ENPP3: variants seen among roughly 807,000 people sequenced by gnomAD.
The protein encoded by ENPP3 is ectonucleotide pyrophosphatase/phosphodiesterase family member 3.
ENPP3 carries 104 observed loss-of-function variants against 117.8 expected under a neutral mutation model. The ratio of observed to expected loss-of-function variants is 0.88; its 90% CI spans 0.75 to 1.04. ENPP3 has a LOEUF of 1.04. Ranked by LOEUF, ENPP3 falls within the 50% of genes least tolerant of loss-of-function variation. The pLI is 0.00. For missense variants in ENPP3, 1,026 were observed against 1,051.9 expected (o/e 0.98, Z 0.34); for synonymous variants, 380 against 349.9 (o/e 1.09, Z -0.96).
intron 21 of ENPP3, among the ~76,000 whole-genome samples, chr6:131,734,899 C>CA (rs59698316): frequency 0.045 from 3,753 of 82,506 alleles, 143 homozygotes; most frequent in African/African-American, 0.13. Flanking sequence ...GACTCTGTCT[C>CA]AAAAAAAAAA....
chr6:131,719,839 AG>A, intron 16 of ENPP3, among the ~76,000 whole-genome samples: 1 of 152,200 alleles, frequency 6.6e-6, no homozygotes, highest in East Asian at 1.9e-4. Context: ...TAAGTGGAAC[AG>A]GAAGTTAGAC....
chr6:131,680,049 G>A (rs1778991301), intron 11 of ENPP3, among the ~76,000 whole-genome samples: 1 of 152,164 alleles, frequency 6.6e-6, no homozygotes, highest in Non-Finnish European at 1.5e-5. Context: ...TTGTAATAAA[G>A]GAGGTGACAG....
chr6:131,669,245 T>G (rs1585641528), intron 6 of ENPP3, among the ~76,000 whole-genome samples: 1 of 152,182 alleles, frequency 6.6e-6, no homozygotes, highest in East Asian at 1.9e-4. Flanking sequence ...TTAATTGAGA[T>G]CAAGATTTAC....
intron 12 of ENPP3, among the ~76,000 whole-genome samples, 154 bp downstream of exon 12, chr6:131,683,316 A>C (rs1005086500): frequency 1.3e-5 from 2 of 152,214 alleles, no homozygotes; most frequent in African/African-American, 4.8e-5. Flanking sequence ...ATGTGATGAA[A>C]AGAGGACTAC....
At chr6:131,647,205 T>C (rs1308822879) in intron 2 of ENPP3, among the ~76,000 whole-genome samples, 2 of 152,200 alleles carry the variant, frequency 1.3e-5, no homozygotes, top group Non-Finnish European at 2.9e-5. Flanking sequence ...GAAAACTGTA[T>C]TCTATTTTGT....
At chr6:131,672,100 C>T (rs1191657139) in intron 7 of ENPP3, among the ~76,000 whole-genome samples, 1 of 152,050 alleles carries the variant, frequency 6.6e-6, no homozygotes, top group East Asian at 1.9e-4. Flanking sequence ...TATTTGTAAC[C>T]CCCAAATCAA....
At chr6:131,731,067 G>A (rs1210443956) in intron 20 of ENPP3, among the ~76,000 whole-genome samples, 7 of 152,012 alleles carry the variant, frequency 4.6e-5, no homozygotes, top group Non-Finnish European at 8.8e-5. Flanking sequence ...TCTTTTGGCT[G>A]TCGTATTTTG....
intron 2 of ENPP3, among the ~76,000 whole-genome samples, chr6:131,646,045 A>T (rs1054760437): frequency 3.3e-5 from 5 of 152,188 alleles, no homozygotes; most frequent in Non-Finnish European, 7.4e-5. Flanking sequence ...ACATCTGCAC[A>T]GTTCCTTGGT....
intron 15 of ENPP3, among the ~76,000 whole-genome samples, chr6:131,697,057 G>A (rs188063449): frequency 1.3e-5 from 2 of 152,296 alleles, no homozygotes; most frequent in African/African-American, 4.8e-5. Flanking sequence ...GTGAGCCACC[G>A]TGCCGGCCTG....
chr6:131,688,514 A>T (rs966507141), intron 14 of ENPP3, among the ~76,000 whole-genome samples: 2 of 152,240 alleles, frequency 1.3e-5, no homozygotes, highest in African/African-American at 4.8e-5. Context: ...TTCTTGAAGA[A>T]AATGAGAAGT....
Position 131,652,611 on chromosome 6 carries a change from C to A in ENPP3, c.347C>A (p.Ser116Ter). Residue 116 changes from serine to a stop codon, truncating the protein, a stop_gained, in exon 4 of 25, where the codon TCA becomes TAA. Coordinates refer to ENST00000357639, the MANE Select transcript of ENPP3 (RefSeq NM_005021.5). LOFTEE classifies it high-confidence loss of function. Reference sequence around the variant, plus strand: ...TTAGAGGCCAGCCTTTGCTCTTGTTCAGATGACTGTTTGCAGAGGAAAGAT... The same window carrying A: ...TTAGAGGCCAGCCTTTGCTCTTGTTAAGATGACTGTTTGCAGAGGAAAGAT... ...TRLEASLCSCSDDCLQRKDCC... is the reference protein window; with the variant it reads ...TRLEASLCSC 1 of 1,613,972 alleles carries A rather than the reference C, an allele frequency of 6.2e-7. No individual in the cohort carries two copies. The highest frequency in any genetic ancestry group is 8.5e-7 in the Non-Finnish European group (1 of 1,179,860).
At chr6:131,664,896 A>G (rs1778584299) in intron 6 of ENPP3, among the ~76,000 whole-genome samples, 1 of 152,180 alleles carries the variant, frequency 6.6e-6, no homozygotes, top group Non-Finnish European at 1.5e-5. Flanking sequence ...CTAGGAATGT[A>G]TCCCTGTCTT....
In ENPP3 at chr6:131,730,381, C is replaced by A. The variant is rs145606738; in HGVS notation, c.1954-3207C>A. ...ATGCTTTTAGCTTTCCAGACTCTGC[C>A]ACCTGAAGGAGAGTGAAATAAATGG... is the stretch of plus-strand genomic sequence containing the variant. On this transcript the variant is annotated intron_variant, in intron 20 of 24. Transcript: ENST00000357639. Among the ~76,000 whole-genome samples the A allele has an allele frequency of 4.4e-3, 665 of 152,268 alleles. 2 individuals are homozygous for A. The highest frequency in any genetic ancestry group is 0.013 in the African/African-American group (528 of 41,552).
At chr6:131,659,303 T>A (rs893521600) in intron 6 of ENPP3, among the ~76,000 whole-genome samples, 6 of 151,836 alleles carry the variant, frequency 4.0e-5, no homozygotes, top group African/African-American at 9.7e-5. Flanking sequence ...AATTTTTTTT[T>A]AAAAGAAGTT....
intron 14 of ENPP3, among the ~76,000 whole-genome samples, chr6:131,690,745 T>C (rs559557721): frequency 6.6e-6 from 1 of 151,966 alleles, no homozygotes; most frequent in South Asian, 2.1e-4. Flanking sequence ...TAGAGCAGAA[T>C]TTCTTTACAG....
In ENPP3 at chr6:131,693,586, A is replaced by C; in HGVS notation, c.1374A>C (p.Lys458Asn). 1 of 1,613,958 alleles carries C rather than the reference A, an allele frequency of 6.2e-7. No homozygotes were observed. Among genetic ancestry groups the C allele is most frequent in the East Asian group, 2.2e-5 (1 of 44,864 alleles). ...LHYAKNVRID[K>N]VHLFVDQQWL... ...ATGCCAAGAACGTCAGAATCGACAA[A>C]GTTCATCTCTTTGTGGATCAACAGT... Residue 458 changes from lysine (K) to asparagine (N), a missense_variant, in exon 15 of 25, where the codon AAA becomes AAC. Coordinates refer to ENST00000357639, the MANE Select transcript of ENPP3 (RefSeq NM_005021.5).
At chr6:131,679,788 A>AT (rs1778984111) in intron 11 of ENPP3, among the ~76,000 whole-genome samples, 1 of 152,160 alleles carries the variant, frequency 6.6e-6, no homozygotes, top group Non-Finnish European at 1.5e-5. Flanking sequence ...TGACAAACAA[A>AT]TGGCTAGATG....
intron 11 of ENPP3, among the ~76,000 whole-genome samples, chr6:131,682,585 G>A (rs1469043620): frequency 6.6e-6 from 1 of 152,122 alleles, no homozygotes; most frequent in African/African-American, 2.4e-5. Flanking sequence ...GTCTCCATTT[G>A]TACTCCAAGT....
chr6:131,685,238 C>G (rs554385708), intron 12 of ENPP3, 126 bp from the exon 13 acceptor site: 1 of 844,964 alleles, frequency 1.2e-6, no homozygotes, highest in Non-Finnish European at 1.9e-6. Flanking sequence ...GGGTGAATTG[C>G]GTAAATTCTC....
Sources: allele counts gnomAD v4.1 joint callset (sites outside exome capture counted in the v4.1 genomes callset), GRCh38; gene constraint gnomAD v4.1.1; transcripts MANE v1.5; gene names NCBI Gene and HGNC (gene_info 2026-07-23, HGNC 2026-07-21).